The following SRGAP2 variants were observed in gnomAD, a reference collection of about 807,000 sequenced individuals.
SRGAP2 encodes the protein SLIT-ROBO Rho GTPase activating protein 2.
In SRGAP2, 15 loss-of-function variants were observed where a neutral mutation model predicts 57.2. The observed-to-expected ratio is 0.26, with a 90% CI of 0.18 to 0.40. SRGAP2 has a LOEUF of 0.40. Among genes scored for constraint, SRGAP2 ranks in the 10% least tolerant of loss-of-function variants. The pLI is 1.00. For synonymous variants in SRGAP2, 249 were observed against 248.0 expected (o/e 1.00, Z -0.04); for missense variants, 520 against 669.6 (o/e 0.78, Z 2.47).
At chr1:206,421,508 G>C (rs1444377262) in intron 13 of SRGAP2, among the ~76,000 whole-genome samples, 1 of 152,152 alleles carries the variant, frequency 6.6e-6, no homozygotes, top group East Asian at 1.9e-4. Flanking sequence ...TTATCCTCTT[G>C]CATACTAGGG....
At chr1:206,333,482 C>G (rs1674537300) in intron 3 of SRGAP2, 13 of 1,498,136 alleles carry the variant, frequency 8.7e-6, no homozygotes, top group South Asian at 7.9e-5. Flanking sequence ...AGGCGAAGGT[C>G]TCTGGTGCGG....
At position 206,458,938 on chromosome 1, in the gene SRGAP2, C is replaced by T. The variant is rs1210556260; in HGVS notation, c.2823C>T (p.Val941=). The T allele has an allele frequency of 1.3e-6, 1 of 769,624 alleles. No individual in the cohort carries two copies. The highest frequency in any genetic ancestry group is 1.7e-5 in the African/African-American group (1 of 58,996). The allele number at this position is 769,624 out of a possible 1,614,324, so 47.7% of individuals were successfully genotyped here. A position where few individuals can be genotyped will look rare whatever the true frequency, so the allele number is the denominator to read the frequency against. The part of the protein sequence containing the change: ...FNNHRPMDPE[V]IAQDIEATMN... ...ACCATCGGCCCATGGACCCTGAGGT[C>T]ATTGCTCAGGTAACTGTGGGCTCCT... The change falls in exon 22 of 23, where the codon GTC becomes GTT. Residue 941 remains valine, a synonymous_variant. Coordinates refer to ENST00000573034, the MANE Select transcript of SRGAP2 (RefSeq NM_015326.5).
rs1664322674 is a variant in SRGAP2, at chr1:206,462,272, C to T, written c.*852C>T. ...TTTAAAGTTTTTCTGAATGTATAGACATTTCTCGGGTTCCTACCTTTGTCT... is the reference window on the plus strand; with the variant it reads ...TTTAAAGTTTTTCTGAATGTATAGATATTTCTCGGGTTCCTACCTTTGTCT... On this transcript the variant is annotated 3_prime_UTR_variant, in exon 23 of 23. Transcript: ENST00000573034. 1.3e-5 allele frequency: 2 copies of T among 152,638 alleles called. No homozygotes were observed. The highest frequency in any genetic ancestry group is 4.1e-4 in the South Asian group (2 of 4,836). The allele number at this position is 152,638 out of a possible 1,614,324, so 9.5% of individuals were successfully genotyped here.
chr1:206,311,276 A>G (rs1426108416), intron 3 of SRGAP2, among the ~76,000 whole-genome samples: 4 of 152,158 alleles, frequency 2.6e-5, no homozygotes, highest in Non-Finnish European at 5.9e-5. Flanking sequence ...AGCATCTGCC[A>G]TGGTGTATGA....
chr1:206,359,649 A>T (rs1161768032), intron 4 of SRGAP2, among the ~76,000 whole-genome samples: 11 of 107,242 alleles, frequency 1.0e-4, no homozygotes, highest in African/African-American at 4.3e-4. Context: ...TAGGCACTGG[A>T]ATATAGCAGA....
At chr1:206,254,623 CAAA>C (rs782651700) in intron 2 of SRGAP2, among the ~76,000 whole-genome samples, 3 of 134,764 alleles carry the variant, frequency 2.2e-5, no homozygotes, top group Non-Finnish European at 1.6e-5. Context: ...TGCTTTCTGG[CAAA>C]AAAAAAAAAA....
At chr1:206,206,311 G>A (rs1665911109) in intron 2 of SRGAP2, 1 of 435,506 alleles carries the variant, frequency 2.3e-6, no homozygotes. Context: ...AAGCCGGACA[G>A]GGTGGGGGGA....
intron 2 of SRGAP2, among the ~76,000 whole-genome samples, chr1:206,272,696 G>A (rs1340547631): frequency 6.6e-6 from 1 of 152,220 alleles, no homozygotes; most frequent in Non-Finnish European, 1.5e-5. Flanking sequence ...ACAGGTGTGA[G>A]CCACTGTGCC....
chr1:206,458,648 A>C lies in SRGAP2; in HGVS notation c.2533A>C (p.Ser845Arg). The C allele has an allele frequency of 1.3e-6, 1 of 767,180 alleles. No individual in the cohort carries two copies. Among genetic ancestry groups the C allele is most frequent in the Non-Finnish European group, 2.4e-6 (1 of 409,586 alleles). 47.5% of individuals were successfully genotyped at this position (767,180 alleles called of 1,614,324 possible). A position where few individuals can be genotyped will look rare whatever the true frequency, so the allele number is the denominator to read the frequency against. Residue 845 changes from serine to arginine, a missense_variant, in exon 22 of 23, where the codon AGC becomes CGC. Around this residue, in one of 5 missense-constraint regions of SRGAP2, gnomAD observed 478 missense variants for 373.6 expected, o/e 1.28. Transcript: ENST00000573034. ...GCAAAGGAAGCGTCCAGAATCTGGGAGCATCCGGAAAACTTTTCGGAGTGA... is the reference window on the plus strand; with the variant it reads ...GCAAAGGAAGCGTCCAGAATCTGGGCGCATCCGGAAAACTTTTCGGAGTGA... ...NKQRKRPESGSIRKTFRSDSH... is the reference protein window; with the variant it reads ...NKQRKRPESGRIRKTFRSDSH...
intron 2 of SRGAP2, among the ~76,000 whole-genome samples, chr1:206,257,927 T>C (rs1669298919): frequency 6.6e-6 from 1 of 150,486 alleles, no homozygotes; most frequent in Non-Finnish European, 1.5e-5. Flanking sequence ...GAGGCAGCTA[T>C]GAGAAGACCT....
chr1:206,410,160 G>T (rs1039454630), intron 10 of SRGAP2, among the ~76,000 whole-genome samples: 13 of 152,184 alleles, frequency 8.5e-5, no homozygotes, highest in African/African-American at 3.1e-4. Context: ...ACAAAAGCTG[G>T]ACCCACCACT....
intron 2 of SRGAP2, among the ~76,000 whole-genome samples, chr1:206,248,472 G>A (rs527797475): frequency 1.3e-5 from 2 of 152,128 alleles, no homozygotes; most frequent in East Asian, 1.9e-4. Flanking sequence ...TCAGGGGAGG[G>A]GTATTCATTG....
At chr1:206,300,019 T>A (rs1671797144) in intron 2 of SRGAP2, among the ~76,000 whole-genome samples, 1 of 150,834 alleles carries the variant, frequency 6.6e-6, no homozygotes, top group Non-Finnish European at 1.5e-5. Context: ...AGCCTCTTTT[T>A]TTTCCTGGAT....
chr1:206,415,206 G>T (rs1659581810), intron 10 of SRGAP2, among the ~76,000 whole-genome samples: 1 of 152,224 alleles, frequency 6.6e-6, no homozygotes. Flanking sequence ...GAACAAATCT[G>T]AAAGTGCAGC....
Position 206,463,184 on chromosome 1 carries a change from G to T in SRGAP2, c.*1764G>T, listed in dbSNP as rs1371236534. 6.6e-6 allele frequency: 1 copy of T among 152,318 alleles called. No homozygotes were observed. Among genetic ancestry groups the T allele is most frequent in the Non-Finnish European group, 1.5e-5 (1 of 67,996 alleles). The allele number at this position is 152,318 out of a possible 1,614,324, so 9.4% of individuals were successfully genotyped here. ...TTTAATCCTGTGCAAAGGAAAAGAG[G>T]TGCTTTGTGGGAAATCACTAATGAG... On this transcript the variant is annotated 3_prime_UTR_variant, in exon 23 of 23. Transcript: ENST00000573034.
At chr1:206,247,459 G>A (rs1383690336) in intron 2 of SRGAP2, among the ~76,000 whole-genome samples, 5 of 151,926 alleles carry the variant, frequency 3.3e-5, no homozygotes, top group African/African-American at 1.2e-4. Context: ...GGGAGAGGGA[G>A]CCTCCATACT....
At chr1:206,434,915 T>C (rs1553369472) in intron 14 of SRGAP2, among the ~76,000 whole-genome samples, 2 of 152,256 alleles carry the variant, frequency 1.3e-5, no homozygotes. Flanking sequence ...AGTAGCCTGG[T>C]TTCCGAGATG....
chr1:206,239,993 C>T (rs531214867), intron 2 of SRGAP2, among the ~76,000 whole-genome samples: 54 of 151,600 alleles, frequency 3.6e-4, no homozygotes, highest in African/African-American at 1.2e-3. Flanking sequence ...GGGCCAGGCA[C>T]GGTGGCTCAC....
chr1:206,438,392 T>G (rs1304480763), intron 16 of SRGAP2, among the ~76,000 whole-genome samples: 3 of 152,152 alleles, frequency 2.0e-5, no homozygotes, highest in African/African-American at 4.8e-5. Flanking sequence ...TTTTCAATTA[T>G]GTATTTGAAG....
Sources: allele counts gnomAD v4.1 joint callset (sites outside exome capture counted in the v4.1 genomes callset), GRCh38; gene constraint gnomAD v4.1.1; regional missense constraint gnomAD v4.1.1; transcripts MANE v1.5; gene names NCBI Gene and HGNC (gene_info 2026-07-23, HGNC 2026-07-21).